The following GTF3C1 variants were observed in gnomAD, a reference collection of about 807,000 sequenced individuals.
GTF3C1 encodes general transcription factor 3C polypeptide 1.
GTF3C1 carries 57 observed loss-of-function variants against 226.7 expected under a neutral mutation model. The ratio of observed to expected loss-of-function variants is 0.25; its 90% CI spans 0.20 to 0.31. GTF3C1 has a LOEUF of 0.31. Among genes scored for constraint, GTF3C1 ranks in the 10% least tolerant of loss-of-function variants. GTF3C1 has a pLI of 1.00. For missense variants in GTF3C1, 2,217 were observed against 2,776.1 expected, an observed-to-expected ratio of 0.80 and a Z score of 4.53; for synonymous variants, 1,090 against 1,084.8, an observed-to-expected ratio of 1.00 and a Z score of -0.09.
chr16:27,536,808 A>G lies in GTF3C1; in HGVS notation c.752+976T>C, dbSNP rs191914094. Among the ~76,000 whole-genome samples, 12 of 152,278 alleles carry G rather than the reference A, an allele frequency of 7.9e-5. No homozygotes were observed. The East Asian group carries it at 2.3e-3, about 29-fold the overall frequency. ...GGCTGCTCTTCCCAGGCCCTGCACC[A>G]GCTTGACCTTTTCCCATTCTGGCTT... On this transcript the variant is annotated intron_variant, in intron 4 of 36. Transcript: ENST00000356183.
chr16:27,515,654 T>C lies in GTF3C1; in HGVS notation c.974-3753A>G, dbSNP rs1302785705. Among the ~76,000 whole-genome samples, 8 of 152,092 alleles carry C rather than the reference T, an allele frequency of 5.3e-5. 1 individual carries two copies. Among genetic ancestry groups the C allele is most frequent in the African/African-American group, 1.9e-4 (8 of 41,416 alleles). On this transcript the variant is annotated intron_variant, in intron 6 of 36. Coordinates refer to ENST00000356183, the MANE Select transcript of GTF3C1 (RefSeq NM_001520.4). The stretch of plus-strand genomic sequence containing the variant: ...GGCTCCAGAGCCAGGCAGAGAAGTG[T>C]TTCCATCTCAAGTTCCATAGCTCCC...
Position 27,508,559 on chromosome 16 carries a change from T to C in GTF3C1, c.1223A>G (p.Gln408Arg), listed in dbSNP as rs541904561. The part of the protein sequence containing the change: ...LEARMLCRLL[Q>R]RFKVVKGFME... ...TGTTACCTTGACAACTTTGAATCTT[T>C]GAAGAAGTCGGCACAGCATTCTTGC... Residue 408 changes from glutamine to arginine, a missense_variant, in exon 8 of 37, where the codon CAA (glutamine) becomes CGA (arginine). This residue lies in a region of GTF3C1 where 25 missense variants were observed against 71.9 expected (regional missense o/e 0.35). Coordinates refer to ENST00000356183, the MANE Select transcript of GTF3C1 (RefSeq NM_001520.4). 1.9e-6 allele frequency: 3 copies of C among 1,613,526 alleles called. No homozygotes were observed. Among genetic ancestry groups the C allele is most frequent in the Non-Finnish European group, 2.5e-6 (3 of 1,179,382 alleles).
At chr16:27,526,803 T>A (rs116416391) in intron 6 of GTF3C1, among the ~76,000 whole-genome samples, 106 of 152,380 alleles carry the variant, frequency 7.0e-4, no homozygotes, top group African/African-American at 2.4e-3. Context: ...GGAGTGCATA[T>A]AAATGCATAT....
In GTF3C1 at chr16:27,469,635, T is replaced by C. The variant is rs2087836783; in HGVS notation, c.4815-85A>G. ...TCTCCCCTCCCTCAAGAGGCCTCTGTGGCTGGGCTTCAGCAGTGGCCCCAG... is the reference window on the plus strand; with the variant it reads ...TCTCCCCTCCCTCAAGAGGCCTCTGCGGCTGGGCTTCAGCAGTGGCCCCAG... On this transcript the variant is annotated intron_variant, in intron 31 of 36. Transcript: ENST00000356183. This position sits in a 1 kb window ranked among gnomAD's most constrained non-coding sequence, Gnocchi z 4.5. 1 of 1,467,858 alleles carries C rather than the reference T, an allele frequency of 6.8e-7. No homozygotes were observed. The highest frequency in any genetic ancestry group is 9.3e-7 in the Non-Finnish European group (1 of 1,072,230). 90.9% of individuals were successfully genotyped at this position (1,467,858 alleles called of 1,614,324 possible). A position where few individuals can be genotyped will look rare whatever the true frequency, so the allele number is the denominator to read the frequency against.
chr16:27,529,068 T>C (rs1284689485), intron 5 of GTF3C1, among the ~76,000 whole-genome samples: 1 of 152,068 alleles, frequency 6.6e-6, no homozygotes, highest in Admixed American at 6.6e-5. Flanking sequence ...GTAAGTGTAT[T>C]ACTAATACAA....
chr16:27,481,357 G>C (rs568743572), intron 26 of GTF3C1, among the ~76,000 whole-genome samples, 166 bp from the exon 27 acceptor site: 2 of 152,078 alleles, frequency 1.3e-5, no homozygotes, highest in African/African-American at 4.8e-5. Context: ...CCTGTCATCT[G>C]AGAAGCTCGG....
In GTF3C1 at chr16:27,511,739, CA is replaced by C; in HGVS notation, c.1126+9del. On this transcript the variant is annotated intron_variant, in intron 7 of 36. Coordinates refer to ENST00000356183, the MANE Select transcript of GTF3C1 (RefSeq NM_001520.4). The stretch of plus-strand genomic sequence containing the variant: ...ATCCATATCCAAGCTGGCATGGGAA[CA>C]AGACTTACTGAGGTCGTAGGTCTGT... 6.2e-7 allele frequency: 1 copy of C among 1,613,692 alleles called. No individual in the cohort carries two copies. Among genetic ancestry groups the C allele is most frequent in the Non-Finnish European group, 8.5e-7 (1 of 1,179,706 alleles).
At chr16:27,476,734 T>C (rs1378808679) in intron 28 of GTF3C1, among the ~76,000 whole-genome samples, 190 bp from the exon 29 acceptor site, 1 of 152,240 alleles carries the variant, frequency 6.6e-6, no homozygotes, top group Non-Finnish European at 1.5e-5. Flanking sequence ...AGGAGAAAAG[T>C]TTCTTTTAGT....
intron 25 of GTF3C1, among the ~76,000 whole-genome samples, chr16:27,483,646 T>A (rs981568552): frequency 2.5e-4 from 38 of 152,216 alleles, no homozygotes; most frequent in African/African-American, 8.9e-4. Flanking sequence ...GCTGCCTTCA[T>A]AAAGAGCTTG....
rs763290307 is a variant in GTF3C1 at position 27,461,374 on chromosome 16, G to A, written c.6306C>T (p.Asn2102=). ...CCTAGAGGTGGATCCACTTGTTCCA[G>A]TTGACCTCGTGGGGGAACACACGGC... is the stretch of plus-strand genomic sequence containing the variant. ...RLGRVFPHEV[N]WNKWIHL Residue 2102 remains asparagine (N), a synonymous_variant, in exon 37 of 37, where the codon AAC becomes AAT. Coordinates refer to ENST00000356183, the MANE Select transcript of GTF3C1 (RefSeq NM_001520.4). The surrounding 1 kb of genome is among the most constrained non-coding windows in gnomAD (Gnocchi z 5.3). The A allele has an allele frequency of 6.2e-7, 1 of 1,612,300 alleles. No individual in the cohort carries two copies. Among genetic ancestry groups the A allele is most frequent in the South Asian group, 1.1e-5 (1 of 91,052 alleles).
intron 27 of GTF3C1, chr16:27,480,834 G>A (rs1249538726): frequency 6.3e-6 from 3 of 479,918 alleles, no homozygotes; most frequent in Non-Finnish European, 1.1e-5. Context: ...CTAGCAAAAA[G>A]TACACCAACC....
At chr16:27,543,759 G>A (rs2089124192) in intron 2 of GTF3C1, among the ~76,000 whole-genome samples, 1 of 152,146 alleles carries the variant, frequency 6.6e-6, no homozygotes, top group African/African-American at 2.4e-5. Context: ...AAGGAAAGTA[G>A]AAAAACAAAA....
intron 2 of GTF3C1, among the ~76,000 whole-genome samples, chr16:27,542,896 CT>C (rs1436357327): frequency 2.6e-5 from 4 of 152,230 alleles, no homozygotes; most frequent in Middle Eastern, 3.2e-3. Context: ...AAATAAGCCT[CT>C]TTTCTTTGTA....
chr16:27,524,808 A>G (rs1299289940), intron 6 of GTF3C1, among the ~76,000 whole-genome samples: 2 of 152,226 alleles, frequency 1.3e-5, no homozygotes, highest in African/African-American at 4.8e-5. Flanking sequence ...AAAATGATTA[A>G]CAGCTCCACA....
At chr16:27,541,848 C>G (rs553807083) in intron 2 of GTF3C1, among the ~76,000 whole-genome samples, 1 of 152,194 alleles carries the variant, frequency 6.6e-6, no homozygotes, top group South Asian at 2.1e-4. Flanking sequence ...GGAGCACACA[C>G]GAACACAACA....
intron 2 of GTF3C1, among the ~76,000 whole-genome samples, chr16:27,541,775 G>A (rs1040677573): frequency 3.3e-5 from 5 of 152,122 alleles, no homozygotes; most frequent in South Asian, 2.1e-4. Flanking sequence ...AACTGAGGTC[G>A]GAGCACTGGG....
chr16:27,488,892 G>C, intron 21 of GTF3C1, 151 bp downstream of exon 21: 1 of 758,266 alleles, frequency 1.3e-6, no homozygotes, highest in Non-Finnish European at 2.3e-6. Flanking sequence ...CATCCACTGG[G>C]AATAAAACAG....
In GTF3C1 at chr16:27,507,838, C is replaced by T. The variant is rs1414463542; in HGVS notation, c.1243-682G>A. Among the ~76,000 whole-genome samples, 1 of 152,232 alleles carries T rather than the reference C, an allele frequency of 6.6e-6. No individual in the cohort carries two copies. The highest frequency in any genetic ancestry group is 2.4e-5 in the African/African-American group (1 of 41,450). On this transcript the variant is annotated intron_variant, in intron 8 of 36. Coordinates refer to ENST00000356183, the MANE Select transcript of GTF3C1 (RefSeq NM_001520.4). This position sits in a 1 kb window ranked among gnomAD's most constrained non-coding sequence, Gnocchi z 4.9. Reference sequence around the variant, plus strand: ...GTGCCAGACAGGCATAGCTGGCCAACTCGATGTCCCCAGGTGCCAGGCAAG... The same window carrying T: ...GTGCCAGACAGGCATAGCTGGCCAATTCGATGTCCCCAGGTGCCAGGCAAG...
chr16:27,507,103 C>A lies in GTF3C1; in HGVS notation c.1296G>T (p.Val432=). Residue 432 remains valine (V), a synonymous_variant, in exon 9 of 37, where the codon GTG becomes GTT. Transcript: ENST00000356183. This position sits in a 1 kb window ranked among gnomAD's most constrained non-coding sequence, Gnocchi z 4.9. ...GGCTTAGGTCGCTCTCCTCTGCAAA[C>A]ACGCAGGAAATGTACTTGGTGGTTC... ...RQRTTKYISC[V]FAEESDLSRQ... The A allele has an allele frequency of 1.2e-6, 2 of 1,613,616 alleles. No individual in the cohort carries two copies. Among genetic ancestry groups the A allele is most frequent in the African/African-American group, 2.7e-5 (2 of 75,042 alleles).
Sources: allele counts gnomAD v4.1 joint callset (sites outside exome capture counted in the v4.1 genomes callset), GRCh38; gene constraint gnomAD v4.1.1; regional missense constraint gnomAD v4.1.1; non-coding constraint Gnocchi (gnomAD v3.1); transcripts MANE v1.5; gene names NCBI Gene and HGNC (gene_info 2026-07-23, HGNC 2026-07-21).